LAMA1: variants seen among roughly 807,000 people sequenced by gnomAD.
LAMA1 encodes the protein laminin subunit alpha-1.
In LAMA1, 219 loss-of-function variants were observed where a neutral mutation model predicts 348.7. The observed-to-expected ratio is 0.63, with a 90% CI of 0.56 to 0.70. The LOEUF (loss-of-function observed/expected upper bound fraction) is 0.70. Ranked by LOEUF, LAMA1 falls within the 30% of genes least tolerant of loss-of-function variation. The probability of loss-of-function intolerance (pLI) is 0.00; values close to 1 mark genes in which losing one functional copy is unlikely to be tolerated. For synonymous variants in LAMA1, 1,487 were observed against 1,491.0 expected, an observed-to-expected ratio of 1.00 and a Z score of 0.06; for missense variants, 3,744 against 3,888.0, an observed-to-expected ratio of 0.96 and a Z score of 0.99.
chr18:6,943,522 CAG>C (rs772211645), intron 61 of LAMA1, 120 bp from the exon 62 acceptor site: 39 of 844,678 alleles, frequency 4.6e-5, no homozygotes, highest in African/African-American at 2.6e-4. Flanking sequence ...CTAGGAGAAA[CAG>C]AAAATAGTTT....
chr18:6,979,942 A>G (rs1259167006), intron 42 of LAMA1, among the ~76,000 whole-genome samples: 2 of 152,196 alleles, frequency 1.3e-5, no homozygotes, highest in African/African-American at 2.4e-5. Flanking sequence ...CACCCACTGG[A>G]AAGAACCACC....
At chr18:7,099,831 G>A (rs1311015445) in intron 1 of LAMA1, among the ~76,000 whole-genome samples, 1 of 151,922 alleles carries the variant, frequency 6.6e-6, no homozygotes, top group Non-Finnish European at 1.5e-5. Flanking sequence ...GGCTGAGGAG[G>A]GCAGATCATG....
At chr18:7,003,634 T>C (rs562736599) in intron 29 of LAMA1, among the ~76,000 whole-genome samples, 27 of 152,190 alleles carry the variant, frequency 1.8e-4, no homozygotes, top group Non-Finnish European at 3.5e-4. Flanking sequence ...TGGCATTTGC[T>C]CAATTCATCT....
In LAMA1 at chr18:7,042,142, T is replaced by C; in HGVS notation, c.1261+3A>G. 1 of 1,589,878 alleles carries C rather than the reference T, an allele frequency of 6.3e-7. No homozygotes were observed. Among genetic ancestry groups the C allele is most frequent in the South Asian group, 1.1e-5 (1 of 89,722 alleles). On this transcript the variant is annotated splice_donor_region_variant and intron_variant, in intron 9 of 62. Coordinates refer to ENST00000389658, the MANE Select transcript of LAMA1 (RefSeq NM_005559.4). The stretch of plus-strand genomic sequence containing the variant: ...CAAGCACAAAAGTGAATCAAGTACT[T>C]ACCATTGTGTAAGTCAGAATGGAGG...
In LAMA1 at chr18:7,002,293, C is replaced by T; in HGVS notation, c.4353G>A (p.Leu1451=). The change falls in exon 30 of 63, where the codon CTG becomes CTA. Residue 1451 remains leucine, a synonymous_variant. Transcript: ENST00000389658. ...KVTGSASDCA[L]CACPHSPPAS... ...CAGGAGGGCTGTGAGGACAGGCACA[C>T]AGAGCACAGTCACTTGCTGAGCCAG... 1 of 1,613,134 alleles carries T rather than the reference C, an allele frequency of 6.2e-7. No homozygotes were observed. The highest frequency in any genetic ancestry group is 8.5e-7 in the Non-Finnish European group (1 of 1,179,976).
At chr18:7,033,988 G>A (rs569582830) in intron 14 of LAMA1, among the ~76,000 whole-genome samples, 5 of 152,092 alleles carry the variant, frequency 3.3e-5, no homozygotes, top group South Asian at 4.1e-4. Context: ...CACCTGCCTC[G>A]GCCTCCCAAA....
chr18:7,085,906 C>T (rs2058215423), intron 1 of LAMA1, among the ~76,000 whole-genome samples: 1 of 152,158 alleles, frequency 6.6e-6, no homozygotes, highest in South Asian at 2.1e-4. Flanking sequence ...AATTCTGGAA[C>T]TATTTAATAA....
At chr18:7,036,284 T>C (rs1009012672) in intron 12 of LAMA1, among the ~76,000 whole-genome samples, 196 bp from the exon 13 acceptor site, 5 of 152,236 alleles carry the variant, frequency 3.3e-5, no homozygotes, top group Non-Finnish European at 4.4e-5. Flanking sequence ...TAATCAATAT[T>C]ACCAACATGC....
At chr18:7,060,060 C>T (rs890133133) in intron 3 of LAMA1, among the ~76,000 whole-genome samples, 1 of 152,138 alleles carries the variant, frequency 6.6e-6, no homozygotes, top group African/African-American at 2.4e-5. Context: ...AGTTTTATAG[C>T]GTGTCAATCA....
intron 3 of LAMA1, among the ~76,000 whole-genome samples, chr18:7,062,064 G>A (rs16951138): frequency 0.11 from 17,423 of 152,174 alleles, 3,219 homozygotes; most frequent in African/African-American, 0.39. Context: ...CTGAAGCTTC[G>A]TCCAGTCATC....
At chr18:6,988,073 C>T (rs140892489) in intron 36 of LAMA1, among the ~76,000 whole-genome samples, 15 of 152,186 alleles carry the variant, frequency 9.9e-5, no homozygotes, top group Non-Finnish European at 2.1e-4. Flanking sequence ...GAGATTGCGC[C>T]ACTGCACTCC....
chr18:6,955,306 A>G (rs2143989390), intron 57 of LAMA1, 47 bp downstream of exon 57: 1 of 1,408,850 alleles, frequency 7.1e-7, no homozygotes, highest in South Asian at 1.2e-5. Flanking sequence ...ACACCCCCAT[A>G]CATCTAGCAA....
At chr18:6,957,196 C>G (rs2057583508) in intron 55 of LAMA1, 2 of 283,802 alleles carry the variant, frequency 7.0e-6, no homozygotes, top group African/African-American at 4.4e-5. Context: ...TTGTCACATG[C>G]ACTTTCACTC....
intron 36 of LAMA1, among the ~76,000 whole-genome samples, chr18:6,989,063 C>T (rs2057747921): frequency 6.6e-6 from 1 of 152,096 alleles, no homozygotes; most frequent in Admixed American, 6.5e-5. Flanking sequence ...ACCTGCTTTC[C>T]TTCTGGGAGT....
chr18:6,942,422 T>C (rs1050217285), intron 62 of LAMA1, among the ~76,000 whole-genome samples, 183 bp from the exon 63 acceptor site: 2 of 152,096 alleles, frequency 1.3e-5, no homozygotes, highest in Non-Finnish European at 2.9e-5. Context: ...GAGAAAACTT[T>C]TTTTTTTTTG....
intron 1 of LAMA1, among the ~76,000 whole-genome samples, chr18:7,103,986 T>C (rs2058301825): frequency 6.6e-6 from 1 of 152,038 alleles, no homozygotes; most frequent in South Asian, 2.1e-4. Flanking sequence ...TTTTGTTTGT[T>C]TGTTTTTGTT....
chr18:7,022,089 G>A (rs950012171), intron 19 of LAMA1, among the ~76,000 whole-genome samples: 1 of 151,646 alleles, frequency 6.6e-6, no homozygotes, highest in African/African-American at 2.4e-5. Context: ...CACATTAGTC[G>A]AGACTCCAAC....
At chr18:6,942,336 T>A in intron 62 of LAMA1, 97 bp from the exon 63 acceptor site, 1 of 1,329,922 alleles carries the variant, frequency 7.5e-7, no homozygotes, top group African/African-American at 1.5e-5. Flanking sequence ...CGGGTTTTTT[T>A]ATTTTTTAAA....
chr18:7,002,388 G>A lies in LAMA1; in HGVS notation c.4261-3C>T, dbSNP rs777111200. On this transcript the variant is annotated splice_polypyrimidine_tract_variant and splice_region_variant and intron_variant, in intron 29 of 62. Coordinates refer to ENST00000389658, the MANE Select transcript of LAMA1 (RefSeq NM_005559.4). ...CCTGCTGTGTTATCGCCACAGTTCT[G>A]GGAGCCCACATTTAAAGGAAGGGGG... 1 of 1,612,992 alleles carries A rather than the reference G, an allele frequency of 6.2e-7. No individual in the cohort carries two copies. Among genetic ancestry groups the A allele is most frequent in the African/African-American group, 1.3e-5 (1 of 74,788 alleles).
Sources: allele counts gnomAD v4.1 joint callset (sites outside exome capture counted in the v4.1 genomes callset), GRCh38; gene constraint gnomAD v4.1.1; transcripts MANE v1.5; gene names NCBI Gene and HGNC (gene_info 2026-07-23, HGNC 2026-07-21).